LRGUK: variants seen among roughly 807,000 people sequenced by gnomAD.
LRGUK encodes the protein leucine-rich repeat and guanylate kinase domain-containing protein.
A neutral mutation model predicts 76.0 loss-of-function variants in LRGUK; 65 were observed. The ratio of observed to expected loss-of-function variants is 0.85; its 90% CI spans 0.70 to 1.05. The LOEUF (loss-of-function observed/expected upper bound fraction) is 1.05. LRGUK is among the 50% of genes least tolerant of loss of function. The pLI, the probability that LRGUK is intolerant of heterozygous loss-of-function variation, is 0.00. For synonymous variants in LRGUK, 268 were observed against 265.6 expected (o/e 1.01, Z -0.09); for missense variants, 758 against 732.8 (o/e 1.03, Z -0.40).
At chr7:134,222,733 C>G (rs764135547) in intron 16 of LRGUK, among the ~76,000 whole-genome samples, 27 of 152,096 alleles carry the variant, frequency 1.8e-4, no homozygotes, top group African/African-American at 6.5e-4. Flanking sequence ...CTCAGCCTCC[C>G]GAGTAGCTGG....
At chr7:134,129,868 G>A (rs1797224408) in intron 1 of LRGUK, among the ~76,000 whole-genome samples, 1 of 151,970 alleles carries the variant, frequency 6.6e-6, no homozygotes, top group Non-Finnish European at 1.5e-5. Flanking sequence ...TCTCTTTGAG[G>A]CCAAACATAT....
exon 14 of LRGUK, chr7:134,199,391 C>G: frequency 1.2e-6 from 2 of 1,613,494 alleles, no homozygotes; most frequent in Non-Finnish European, 1.7e-6. Context: ...TCAGAATTTT[C>G]CGGGATATTT....
intron 18 of LRGUK, among the ~76,000 whole-genome samples, chr7:134,252,803 A>G (rs756256785): frequency 5.3e-5 from 8 of 152,158 alleles, no homozygotes; most frequent in Admixed American, 2.0e-4. Flanking sequence ...CAGTATGCCT[A>G]TATCACCCCA....
At chr7:134,261,921 C>T (rs1802737029) in intron 19 of LRGUK, among the ~76,000 whole-genome samples, 1 of 152,102 alleles carries the variant, frequency 6.6e-6, no homozygotes, top group African/African-American at 2.4e-5. Flanking sequence ...CCGATTTGGC[C>T]TATGTGCCAT....
chr7:134,178,698 C>A, intron 10 of LRGUK, 89 bp downstream of exon 10: 1 of 912,400 alleles, frequency 1.1e-6, no homozygotes, highest in East Asian at 2.6e-5. Context: ...TTTGTGACCC[C>A]TTTATTTCCT....
chr7:134,210,210 C>T (rs908571749), exon 16 of LRGUK: 3 of 399,234 alleles, frequency 7.5e-6, no homozygotes, highest in Non-Finnish European at 1.3e-5. Context: ...ACCATGGTGC[C>T]CGACGATCCC....
chr7:134,213,756 A>G (rs1277623037), downstream of LRGUK, among the ~76,000 whole-genome samples: 1 of 152,214 alleles, frequency 6.6e-6, no homozygotes, highest in African/African-American at 2.4e-5. Flanking sequence ...GTCAGAGGAA[A>G]GGAGTGGAAA....
chr7:134,253,567 C>A (rs1802497959), intron 18 of LRGUK, among the ~76,000 whole-genome samples: 1 of 152,182 alleles, frequency 6.6e-6, no homozygotes. Flanking sequence ...ATAATCCCAG[C>A]ACTTTGGGAG....
At chr7:134,224,976 A>G (rs1470229104) in intron 16 of LRGUK, among the ~76,000 whole-genome samples, 2 of 151,612 alleles carry the variant, frequency 1.3e-5, no homozygotes, top group East Asian at 1.9e-4. Flanking sequence ...CGCTTGAACC[A>G]GGGAGGCAGA....
intron 10 of LRGUK, among the ~76,000 whole-genome samples, chr7:134,183,216 A>T (rs1209789036): frequency 1.3e-5 from 2 of 152,184 alleles, no homozygotes; most frequent in Non-Finnish European, 1.5e-5. Context: ...GGGGATAATG[A>T]CAGAAACATC....
intron 1 of LRGUK, among the ~76,000 whole-genome samples, chr7:134,132,259 G>A (rs1275988857): frequency 6.6e-6 from 1 of 152,158 alleles, no homozygotes; most frequent in Non-Finnish European, 1.5e-5. Flanking sequence ...TGAGGCTGAG[G>A]CAAAAGGATC....
chr7:134,265,280 T>C (rs1198911183), downstream of LRGUK, among the ~76,000 whole-genome samples: 1 of 152,186 alleles, frequency 6.6e-6, no homozygotes, highest in Non-Finnish European at 1.5e-5. Context: ...TAAGACAGCA[T>C]GGAGGAGCTG....
the LRGUK span, among the ~76,000 whole-genome samples, chr7:134,273,412 C>T: frequency 1.3e-5 from 2 of 152,104 alleles, no homozygotes; most frequent in Non-Finnish European, 2.9e-5. Context: ...ACCTTGTGTG[C>T]ATAACAGACT....
At chr7:134,215,532 T>A (rs1238566397) in intron 15 of LRGUK, among the ~76,000 whole-genome samples, 1 of 152,182 alleles carries the variant, frequency 6.6e-6, no homozygotes, top group Admixed American at 6.5e-5. Flanking sequence ...GGCAGTTATG[T>A]TCTTTGTCAA....
chr7:134,237,050 C>CTT lies in LRGUK; in HGVS notation c.1984-10485_1984-10484dup, dbSNP rs10555261. On this transcript the variant is annotated intron_variant, in intron 16 of 19. Coordinates refer to the LRGUK transcript ENST00000285928. ...CAGCAGGCTAAATGCTTTTCTCTTT[C>CTT]TTTTTTTTTTTTTTTTTTTTTTGAG... Among the ~76,000 whole-genome samples the CTT allele has an allele frequency of 2.1e-3, 158 of 75,134 alleles. 2 individuals are homozygous for CTT. The highest frequency in any genetic ancestry group is 5.7e-3 in the African/African-American group (136 of 23,738). 49.3% of individuals were successfully genotyped at this position (75,134 alleles called of 152,430 possible).
chr7:134,146,582 C>G (rs2116861120), intron 4 of LRGUK, among the ~76,000 whole-genome samples: 1 of 152,214 alleles, frequency 6.6e-6, no homozygotes, highest in Admixed American at 6.5e-5. Flanking sequence ...TTTAATAACA[C>G]TTTTATTTGT....
chr7:134,261,291 AT>A (rs36065624), intron 19 of LRGUK, among the ~76,000 whole-genome samples: 59,122 of 149,150 alleles, frequency 0.4, 11,985 homozygotes, highest in African/African-American at 0.48. Context: ...TGTGAAGTTG[AT>A]TTTTTTTTTT....
chr7:134,214,450 C>A (rs1035504467), downstream of LRGUK, among the ~76,000 whole-genome samples: 1 of 152,068 alleles, frequency 6.6e-6, no homozygotes, highest in Admixed American at 6.6e-5. Context: ...CAAGGATGTT[C>A]ATATCAGTGT....
intron 19 of LRGUK, among the ~76,000 whole-genome samples, chr7:134,263,614 C>T (rs921847397): frequency 1.2e-4 from 17 of 144,880 alleles, no homozygotes; most frequent in Non-Finnish European, 1.2e-4. Flanking sequence ...CCTTGAATGT[C>T]ATTTCTTTCT....
Sources: gnomAD v4.1 joint callset for allele counts (sites outside exome capture counted in the v4.1 genomes callset) on GRCh38, gnomAD v4.1.1 for gene constraint, MANE v1.5 for transcripts, NCBI Gene and HGNC (gene_info 2026-07-23, HGNC 2026-07-21) for gene names.